Variants in USF1 observed in about 807,000 individuals in gnomAD.
The protein encoded by USF1 is upstream stimulatory factor 1.
USF1 carries 22 observed loss-of-function variants against 46.3 expected under a neutral mutation model. The observed-to-expected ratio is 0.47, with a 90% CI of 0.34 to 0.68. The LOEUF is 0.68. Ranked by LOEUF, USF1 falls within the 30% of genes least tolerant of loss-of-function variation. USF1 has a pLI of 0.01. For missense variants in USF1, 287 were observed against 399.3 expected, an observed-to-expected ratio of 0.72 and a Z score of 2.40; for synonymous variants, 150 against 147.0, an observed-to-expected ratio of 1.02 and a Z score of -0.15.
At position 161,040,972 on chromosome 1, in the gene USF1, C is replaced by T. The variant is rs2073658; in HGVS notation, c.561-100G>A. On this transcript the variant is annotated intron_variant, in intron 7 of 10. Coordinates refer to ENST00000368021, the MANE Select transcript of USF1 (RefSeq NM_007122.5). This position sits in a 1 kb window ranked among gnomAD's most constrained non-coding sequence, Gnocchi z 4.0. Reference sequence around the variant, plus strand: ...CAAGATTTAGCAGGTATTAGGACCACTTATGGTAGCTAGGTGTGGTGTCTC... The same window carrying T: ...CAAGATTTAGCAGGTATTAGGACCATTTATGGTAGCTAGGTGTGGTGTCTC... 0.25 allele frequency: 373,792 copies of T among 1,466,922 alleles called. 50,584 individuals carry two copies. Among genetic ancestry groups the T allele is most frequent in the Non-Finnish European group, 0.27 (293,158 of 1,071,198 alleles). The allele number at this position is 1,466,922 out of a possible 1,614,324, so 90.9% of individuals were successfully genotyped here. A position where few individuals can be genotyped will look rare whatever the true frequency, so the allele number is the denominator to read the frequency against.
rs776600640 is a variant in USF1, at chr1:161,042,902, A to G, written c.9-20T>C. ...TGCTGCCTGTTTGTGGTGAAAGGACAAAAGGAAGAGTATGAGAAGAAGTCA... is the reference window on the plus strand; with the variant it reads ...TGCTGCCTGTTTGTGGTGAAAGGACGAAAGGAAGAGTATGAGAAGAAGTCA... On this transcript the variant is annotated intron_variant, in intron 2 of 10. Transcript: ENST00000368021. The G allele has an allele frequency of 3.7e-6, 6 of 1,614,222 alleles. No homozygotes were observed. Among genetic ancestry groups the G allele is most frequent in the Non-Finnish European group, 5.1e-6 (6 of 1,180,028 alleles).
At chr1:161,045,592 A>C (rs1299110735) in intron 1 of USF1, among the ~76,000 whole-genome samples, 2 of 152,228 alleles carry the variant, frequency 1.3e-5, no homozygotes, top group African/African-American at 4.8e-5. Flanking sequence ...GGCCTCGGGG[A>C]CTAGGGAGCT....
chr1:161,042,592 T>A lies in USF1; in HGVS notation c.137A>T (p.Asn46Ile). The part of the protein sequence containing the change: ...IQSAATFPDP[N>I]VKYVFRTENG... ...CTCAGTTCGGAAGACGTACTTGACGTTGGGGTCAGGGAAGGTGGCAGCTGA... is the reference window on the plus strand; with the variant it reads ...CTCAGTTCGGAAGACGTACTTGACGATGGGGTCAGGGAAGGTGGCAGCTGA... The change falls in exon 4 of 11, where the codon AAC (asparagine) becomes ATC (isoleucine). Residue 46 changes from asparagine to isoleucine, a missense_variant. By Grantham distance (149) the Asn-to-Ile change is moderately radical. Coordinates refer to ENST00000368021, the MANE Select transcript of USF1 (RefSeq NM_007122.5). 6.2e-7 allele frequency: 1 copy of A among 1,614,166 alleles called. No homozygotes were observed. Among genetic ancestry groups the A allele is most frequent in the Non-Finnish European group, 8.5e-7 (1 of 1,180,038 alleles).
rs1160081983 is a variant in USF1, at chr1:161,039,282, A to T, written c.*638T>A. ...TGAACAATTTTATCTTAAAAAAAAAAAAAAAAAAAAAAAAAAAAGAAAAGA... is the reference window on the plus strand; with the variant it reads ...TGAACAATTTTATCTTAAAAAAAAATAAAAAAAAAAAAAAAAAAGAAAAGA... On this transcript the variant is annotated 3_prime_UTR_variant, in exon 11 of 11. Coordinates refer to ENST00000368021, the MANE Select transcript of USF1 (RefSeq NM_007122.5). 6.1e-6 allele frequency: 1 copy of T among 164,008 alleles called. No homozygotes were observed. The highest frequency in any genetic ancestry group is 1.3e-5 in the Non-Finnish European group (1 of 79,212). 10.2% of individuals were successfully genotyped at this position (164,008 alleles called of 1,614,324 possible). A position where few individuals can be genotyped will look rare whatever the true frequency, so the allele number is the denominator to read the frequency against.
At chr1:161,043,188 C>T in intron 2 of USF1, 80 bp downstream of exon 2, 1 of 1,611,608 alleles carries the variant, frequency 6.2e-7, no homozygotes. Flanking sequence ...TGCCTGACTC[C>T]AGAGGCAGTG....
At position 161,040,422 on chromosome 1, in the gene USF1, T is replaced by C; in HGVS notation, c.715-92A>G. 1 of 1,587,128 alleles carries C rather than the reference T, an allele frequency of 6.3e-7. No homozygotes were observed. Among genetic ancestry groups the C allele is most frequent in the Non-Finnish European group, 8.6e-7 (1 of 1,164,604 alleles). Reference sequence around the variant, plus strand: ...GTTCACACTTTGGACCTCATTTTCATCTAAGGAAGGTGGTATAATATCTCC... The same window carrying C: ...GTTCACACTTTGGACCTCATTTTCACCTAAGGAAGGTGGTATAATATCTCC... On this transcript the variant is annotated intron_variant, in intron 9 of 10. Coordinates refer to ENST00000368021, the MANE Select transcript of USF1 (RefSeq NM_007122.5). The surrounding 1 kb of genome is among the most constrained non-coding windows in gnomAD (Gnocchi z 4.0).
At chr1:161,042,724 G>A (rs17175505) in intron 3 of USF1, 54 bp from the exon 4 acceptor site, 198 of 1,611,606 alleles carry the variant, frequency 1.2e-4, no homozygotes, top group African/African-American at 2.5e-4. Flanking sequence ...TTCTACCCCC[G>A]TTCCATTTGC....
intron 4 of USF1, 64 bp from the exon 5 acceptor site, chr1:161,042,281 T>C (rs1650599626): frequency 2.0e-6 from 3 of 1,508,038 alleles, no homozygotes; most frequent in Non-Finnish European, 2.7e-6. Context: ...TTGGGAATCC[T>C]AGGGCCCCTC....
At position 161,041,263 on chromosome 1, in the gene USF1, A is replaced by G. The variant is rs1650545998; in HGVS notation, c.560+61T>C. 13 of 297,574 alleles carry G rather than the reference A, an allele frequency of 4.4e-5. No individual in the cohort carries two copies. In the South Asian group the frequency reaches 9.6e-4, roughly 22 times the overall value. 18.4% of individuals were successfully genotyped at this position (297,574 alleles called of 1,614,324 possible). On this transcript the variant is annotated intron_variant, in intron 7 of 10. Coordinates refer to ENST00000368021, the MANE Select transcript of USF1 (RefSeq NM_007122.5). ...GGTGACAGAGCAAGACTCTGTCTCA[A>G]AAAAAAAAAAAAAAAAAAAAAACCA...
chr1:161,042,047 A>G, intron 5 of USF1, 69 bp downstream of exon 5: 8 of 1,511,748 alleles, frequency 5.3e-6, no homozygotes, highest in Non-Finnish European at 7.2e-6. Flanking sequence ...CTTCACCCCC[A>G]TCCTACTGAT....
In USF1 at chr1:161,041,675, C is replaced by T. The variant is rs771588955; in HGVS notation, c.448G>A (p.Gly150Arg). 11 of 1,611,208 alleles carry T rather than the reference C, an allele frequency of 6.8e-6. No individual in the cohort carries two copies. The highest frequency in any genetic ancestry group is 8.5e-6 in the Non-Finnish European group (10 of 1,177,674). Reference sequence around the variant, plus strand: ...CCAGTGCCAGGAGGGGTCGCCTGCCCCAGCAGTGCCTCTGAGCCCTGGGTA... The same window carrying T: ...CCAGTGCCAGGAGGGGTCGCCTGCCTCAGCAGTGCCTCTGAGCCCTGGGTA... ...VTTQGSEALLGQATPPGTGQF... is the reference protein window; with the variant it reads ...VTTQGSEALLRQATPPGTGQF... Residue 150 changes from glycine to arginine, a missense_variant, in exon 6 of 11, where the codon GGG (glycine) becomes AGG (arginine). Physicochemically the swap from Gly to Arg is moderately radical, Grantham distance 125. Coordinates refer to ENST00000368021, the MANE Select transcript of USF1 (RefSeq NM_007122.5).
At chr1:161,041,479 C>A in intron 6 of USF1, 68 bp from the exon 7 acceptor site, 1 of 1,537,702 alleles carries the variant, frequency 6.5e-7, no homozygotes, top group African/African-American at 1.4e-5. Context: ...GAGGTGAAGA[C>A]CCTGGTCCCC....
At chr1:161,042,440 AAC>A in intron 4 of USF1, 113 bp downstream of exon 4, 1 of 1,218,258 alleles carries the variant, frequency 8.2e-7, no homozygotes, top group Non-Finnish European at 1.2e-6. Context: ...CCTCCCCTGC[AAC>A]AGTCCACTCT....
chr1:161,041,645 T>C lies in USF1; in HGVS notation c.472+6A>G. 1.9e-6 allele frequency: 3 copies of C among 1,604,876 alleles called. No homozygotes were observed. The highest frequency in any genetic ancestry group is 2.6e-6 in the Non-Finnish European group (3 of 1,173,258). ...TTTCAGCCAGCATCCTCATGCAATA[T>C]CTCACCAGTGCCAGGAGGGGTCGCC... On this transcript the variant is annotated splice_donor_region_variant and intron_variant, in intron 6 of 10. Transcript: ENST00000368021.
intron 1 of USF1, among the ~76,000 whole-genome samples, chr1:161,045,581 G>A (rs1650773634): frequency 6.6e-6 from 1 of 152,212 alleles, no homozygotes; most frequent in Non-Finnish European, 1.5e-5. Flanking sequence ...AGGCAGGAAA[G>A]GGCCTCGGGG....
At chr1:161,042,489 T>C (rs1650608431) in intron 4 of USF1, 66 bp downstream of exon 4, 2 of 1,560,166 alleles carry the variant, frequency 1.3e-6, no homozygotes, top group African/African-American at 2.7e-5. Context: ...CCCCAAGACA[T>C]GTTCAATTAC....
chr1:161,044,232 C>T lies in USF1; in HGVS notation c.-85-872G>A, dbSNP rs553737434. Among the ~76,000 whole-genome samples the T allele has an allele frequency of 9.2e-5, 14 of 152,256 alleles. 1 individual carries two copies. The highest frequency in any genetic ancestry group is 8.5e-4 in the Admixed American group (13 of 15,284). On this transcript the variant is annotated intron_variant, in intron 1 of 10. Coordinates refer to ENST00000368021, the MANE Select transcript of USF1 (RefSeq NM_007122.5). The stretch of plus-strand genomic sequence containing the variant: ...TGCTTGGATTACAGGCATGAGCCAC[C>T]GCACCCAGCCAACAACACATCTCTA...
Position 161,039,670 on chromosome 1 carries a change from G to A in USF1, c.*250C>T, listed in dbSNP as rs1028790959. 4 of 532,386 alleles carry A rather than the reference G, an allele frequency of 7.5e-6. No homozygotes were observed. Among genetic ancestry groups the A allele is most frequent in the Non-Finnish European group, 1.4e-5 (4 of 294,086 alleles). 33.0% of individuals were successfully genotyped at this position (532,386 alleles called of 1,614,324 possible). On this transcript the variant is annotated 3_prime_UTR_variant, in exon 11 of 11. Transcript: ENST00000368021. ...CCAGCATGGAGACAGCACATGCATT[G>A]TGCGAGAGGAGCACAAGGGCCCAGG...
chr1:161,043,505 G>A (rs1650662790), intron 1 of USF1, 145 bp from the exon 2 acceptor site: 1 of 633,910 alleles, frequency 1.6e-6, no homozygotes, highest in Non-Finnish European at 2.7e-6. Flanking sequence ...CTGATGTTGA[G>A]GACTGGCCTA....
Sources: gnomAD v4.1 joint callset for allele counts (sites outside exome capture counted in the v4.1 genomes callset) on GRCh38, gnomAD v4.1.1 for gene constraint, Gnocchi (gnomAD v3.1) non-coding constraint, MANE v1.5 for transcripts, NCBI Gene and HGNC (gene_info 2026-07-23, HGNC 2026-07-21) for gene names.